NTM: variants seen among roughly 807,000 people sequenced by gnomAD.
NTM encodes neurotrimin.
A neutral mutation model predicts 42.1 loss-of-function variants in NTM; 13 were observed. The ratio of observed to expected loss-of-function variants is 0.31; its 90% CI spans 0.20 to 0.49. NTM has a LOEUF of 0.49. Ranked by LOEUF, NTM falls within the 20% of genes least tolerant of loss-of-function variation. The pLI is 0.99. For missense variants in NTM, 373 were observed against 452.8 expected (o/e 0.82, Z 1.60); for synonymous variants, 187 against 179.2 (o/e 1.04, Z -0.35).
rs79000717 is a variant in NTM, at chr11:131,939,038, G to C, written c.167+27390G>C. On this transcript the variant is annotated intron_variant, in intron 2 of 8. Coordinates refer to ENST00000683400, the MANE Select transcript of NTM (RefSeq NM_001352005.2). ...ATTGCAAAGCTCGGGAAAGAGATGA[G>C]ACTTGGGGATTTAAGTATGGGAGAG... 9.1e-3 allele frequency among the ~76,000 whole-genome samples: 1,383 copies of C among 152,286 alleles called. 22 individuals carry two copies. Among genetic ancestry groups the C allele is most frequent in the African/African-American group, 0.031 (1,305 of 41,552 alleles).
chr11:131,558,114 G>C (rs1282863774), intron 1 of NTM, among the ~76,000 whole-genome samples: 3 of 152,188 alleles, frequency 2.0e-5, no homozygotes, highest in Non-Finnish European at 4.4e-5. Flanking sequence ...AGCCTCTTGA[G>C]AAACAGACAC....
chr11:131,528,498 A>T (rs1345809324), intron 1 of NTM, among the ~76,000 whole-genome samples: 1 of 152,188 alleles, frequency 6.6e-6, no homozygotes, highest in African/African-American at 2.4e-5. Context: ...TCACACAGCT[A>T]CTCAGTGCCA....
chr11:131,667,053 C>T (rs887250118), intron 1 of NTM, among the ~76,000 whole-genome samples: 3 of 152,168 alleles, frequency 2.0e-5, no homozygotes, highest in African/African-American at 7.2e-5. Flanking sequence ...ATTGCCATGG[C>T]CTTGGTCCTC....
At chr11:132,039,755 G>A (rs1421375498) in intron 2 of NTM, among the ~76,000 whole-genome samples, 3 of 152,264 alleles carry the variant, frequency 2.0e-5, no homozygotes, top group African/African-American at 7.2e-5. Context: ...CAGCAGGAAT[G>A]TGCGAGTCAA....
chr11:131,845,581 T>G (rs776710595), intron 1 of NTM, among the ~76,000 whole-genome samples: 18 of 151,650 alleles, frequency 1.2e-4, no homozygotes, highest in Non-Finnish European at 2.5e-4. Flanking sequence ...CTGGTTTACA[T>G]TGTCCTTCAA....
chr11:132,009,899 CT>C (rs759250637), intron 2 of NTM, among the ~76,000 whole-genome samples: 2 of 152,182 alleles, frequency 1.3e-5, no homozygotes, highest in African/African-American at 2.4e-5. Flanking sequence ...GTTTAAGGAA[CT>C]TGCCCCTCAG....
At chr11:131,693,982 T>C (rs1470315429) in intron 1 of NTM, among the ~76,000 whole-genome samples, 2 of 152,196 alleles carry the variant, frequency 1.3e-5, no homozygotes, top group Non-Finnish European at 2.9e-5. Flanking sequence ...CTTGTGTCAC[T>C]AGGAGAGAGA....
At chr11:132,019,736 C>T (rs1186649867) in intron 2 of NTM, among the ~76,000 whole-genome samples, 4 of 151,908 alleles carry the variant, frequency 2.6e-5, no homozygotes, top group Non-Finnish European at 5.9e-5. Flanking sequence ...ATGTAGAAAC[C>T]TGAGATTATT....
At chr11:131,550,751 C>A (rs1001561475) in intron 1 of NTM, among the ~76,000 whole-genome samples, 1 of 151,620 alleles carries the variant, frequency 6.6e-6, no homozygotes, top group African/African-American at 2.4e-5. Context: ...TGAGACGATC[C>A]TTTGAGCCCA....
intron 1 of NTM, among the ~76,000 whole-genome samples, chr11:131,497,221 C>T (rs533841500): frequency 6.6e-6 from 1 of 152,294 alleles, no homozygotes; most frequent in African/African-American, 2.4e-5. Context: ...CCGAGTCTTG[C>T]TCTGTCACCC....
chr11:132,268,364 A>G (rs2093314386), intron 4 of NTM, among the ~76,000 whole-genome samples: 1 of 152,230 alleles, frequency 6.6e-6, no homozygotes, highest in Middle Eastern at 3.2e-3. Context: ...CATGCAAAGT[A>G]GACATCACCC....
chr11:131,576,039 G>T (rs144569518), intron 1 of NTM, among the ~76,000 whole-genome samples: 2 of 152,048 alleles, frequency 1.3e-5, no homozygotes, highest in African/African-American at 4.8e-5. Context: ...TATATATGTC[G>T]GCAGAAAGCC....
intron 3 of NTM, among the ~76,000 whole-genome samples, chr11:132,165,945 T>A (rs2075201278): frequency 6.6e-6 from 1 of 152,148 alleles, no homozygotes; most frequent in African/African-American, 2.4e-5. Context: ...AAGTGAGAGT[T>A]TTATAAATAA....
At chr11:132,197,491 T>C (rs934072998) in intron 3 of NTM, among the ~76,000 whole-genome samples, 1 of 151,752 alleles carries the variant, frequency 6.6e-6, no homozygotes, top group Non-Finnish European at 1.5e-5. Flanking sequence ...GAAAGAGAGA[T>C]GTTTATTGAT....
chr11:132,335,010 C>A, intron 8 of NTM, 36 bp from the exon 9 acceptor site: 1 of 1,601,374 alleles, frequency 6.2e-7, no homozygotes, highest in Non-Finnish European at 8.5e-7. Flanking sequence ...TCCATTTTCT[C>A]CCAGACCACT....
intron 1 of NTM, among the ~76,000 whole-genome samples, chr11:131,829,374 G>A (rs2042529110): frequency 6.6e-6 from 1 of 151,982 alleles, no homozygotes; most frequent in African/African-American, 2.4e-5. Context: ...AGTGTCTATT[G>A]TTCCCATCTT....
chr11:131,565,216 C>T (rs71483678), intron 1 of NTM, among the ~76,000 whole-genome samples: 3 of 152,224 alleles, frequency 2.0e-5, no homozygotes, highest in African/African-American at 7.2e-5. Flanking sequence ...CCAGGGACCT[C>T]CTGCCTCTCT....
intron 1 of NTM, among the ~76,000 whole-genome samples, chr11:131,581,738 C>T (rs1401713461): frequency 6.6e-6 from 1 of 152,130 alleles, no homozygotes; most frequent in Non-Finnish European, 1.5e-5. Flanking sequence ...GGGCCCAGGG[C>T]AGGAGACTGA....
chr11:131,478,790 A>G (rs535762112), intron 1 of NTM, among the ~76,000 whole-genome samples: 8 of 152,250 alleles, frequency 5.3e-5, no homozygotes, highest in Non-Finnish European at 8.8e-5. Context: ...GTTTTATCCA[A>G]TGAAGTTGTT....
Sources: gnomAD v4.1 joint callset for allele counts (sites outside exome capture counted in the v4.1 genomes callset) on GRCh38, gnomAD v4.1.1 for gene constraint, MANE v1.5 for transcripts, NCBI Gene and HGNC (gene_info 2026-07-23, HGNC 2026-07-21) for gene names.